Variants in SEC22A observed in about 807,000 individuals in gnomAD.
SEC22A encodes the protein vesicle-trafficking protein SEC22a.
A neutral mutation model predicts 35.3 loss-of-function variants in SEC22A; 22 were observed. The observed-to-expected ratio is 0.62, with a 90% CI of 0.45 to 0.89. SEC22A has a LOEUF of 0.89. SEC22A is among the 40% of genes least tolerant of loss of function. The pLI, the probability that SEC22A is intolerant of heterozygous loss-of-function variation, is 0.00. For synonymous variants in SEC22A, 119 were observed against 129.5 expected (o/e 0.92, Z 0.55); for missense variants, 354 against 362.5 (o/e 0.98, Z 0.19).
chr3:123,230,539 T>C (rs1559756192), intron 4 of SEC22A, among the ~76,000 whole-genome samples: 2 of 152,002 alleles, frequency 1.3e-5, no homozygotes, highest in East Asian at 1.9e-4. Context: ...ATAAAGGGAA[T>C]AGAGCTATAT....
In SEC22A at chr3:123,260,131, CAAAAAAAAAAAAAAAAAAAAAAAA is replaced by C. The variant is rs533386545; in HGVS notation, c.723+557_723+580del. On this transcript the variant is annotated intron_variant, in intron 6 of 6. Coordinates refer to ENST00000492595, the MANE Select transcript of SEC22A (RefSeq NM_012430.5). ...TGGGCAACAGAGCGAGACTACATCT[CAAAAAAAAAAAAAAAAAAAAAAAA>C]AAAAAAAAAAAAAACTACTAGATTT... Among the ~76,000 whole-genome samples the C allele has an allele frequency of 6.0e-5, 3 of 49,774 alleles. 1 individual carries two copies. The highest frequency in any genetic ancestry group is 9.7e-5 in the Non-Finnish European group (3 of 31,074). The allele number at this position is 49,774 out of a possible 152,430, so 32.7% of individuals were successfully genotyped here. A position where few individuals can be genotyped will look rare whatever the true frequency, so the allele number is the denominator to read the frequency against.
At chr3:123,222,857 A>G (rs1937152835) in intron 2 of SEC22A, among the ~76,000 whole-genome samples, 2 of 152,184 alleles carry the variant, frequency 1.3e-5, no homozygotes. Context: ...ATTTCCCCCT[A>G]GATTTAACAT....
At chr3:123,254,056 A>G (rs1026755447) in intron 5 of SEC22A, among the ~76,000 whole-genome samples, 1 of 152,164 alleles carries the variant, frequency 6.6e-6, no homozygotes. Context: ...ATACATGTAC[A>G]TGTATCCATT....
intron 1 of SEC22A, among the ~76,000 whole-genome samples, chr3:123,206,527 C>T (rs1460129104): frequency 6.6e-6 from 1 of 152,098 alleles, no homozygotes; most frequent in African/African-American, 2.4e-5. Flanking sequence ...TAGAGTAAGA[C>T]ATTTTCCTAC....
chr3:123,249,767 G>A (rs1301653389), intron 5 of SEC22A, among the ~76,000 whole-genome samples: 5 of 151,944 alleles, frequency 3.3e-5, no homozygotes, highest in Admixed American at 6.5e-5. Context: ...CTAGTGATCC[G>A]CCCACCTTGG....
At chr3:123,260,874 C>G in intron 6 of SEC22A, among the ~76,000 whole-genome samples, 1 of 142,756 alleles carries the variant, frequency 7.0e-6, no homozygotes, top group Middle Eastern at 3.7e-3. Context: ...CTCGCTCTGT[C>G]GCCCAGGCTG....
chr3:123,264,173 G>A (rs1045450331), intron 6 of SEC22A, among the ~76,000 whole-genome samples: 1 of 152,084 alleles, frequency 6.6e-6, no homozygotes, highest in Non-Finnish European at 1.5e-5. Context: ...CCCCCACAAA[G>A]CTCTAGGGTT....
At chr3:123,215,719 T>C (rs1937009579) in intron 2 of SEC22A, among the ~76,000 whole-genome samples, 1 of 152,196 alleles carries the variant, frequency 6.6e-6, no homozygotes, top group African/African-American at 2.4e-5. Flanking sequence ...GGCATCGCAT[T>C]ATTATCTGGT....
intron 4 of SEC22A, among the ~76,000 whole-genome samples, chr3:123,244,727 C>T (rs1017414616): frequency 6.6e-6 from 1 of 152,098 alleles, no homozygotes; most frequent in African/African-American, 2.4e-5. Context: ...TTAAACCCGC[C>T]CTTATATTAA....
intron 4 of SEC22A, among the ~76,000 whole-genome samples, chr3:123,234,505 A>T (rs1279191220): frequency 1.3e-5 from 2 of 152,170 alleles, no homozygotes; most frequent in African/African-American, 2.4e-5. Flanking sequence ...TGCCAAGACA[A>T]TGGTGAAAGA....
intron 4 of SEC22A, among the ~76,000 whole-genome samples, chr3:123,236,276 G>A (rs779733131): frequency 3.6e-4 from 55 of 152,170 alleles, no homozygotes; most frequent in Non-Finnish European, 4.3e-4. Flanking sequence ...TAGTGATGGA[G>A]TAGGTAATTC....
chr3:123,221,676 C>G (rs1042959982), intron 2 of SEC22A, among the ~76,000 whole-genome samples: 1 of 151,780 alleles, frequency 6.6e-6, no homozygotes, highest in Admixed American at 6.6e-5. Context: ...GGGGTATATA[C>G]TAGATTCTAG....
chr3:123,240,528 A>G (rs961346204), intron 4 of SEC22A, among the ~76,000 whole-genome samples: 8 of 152,108 alleles, frequency 5.3e-5, no homozygotes, highest in African/African-American at 1.9e-4. Flanking sequence ...CAATTTGTTT[A>G]TTTATTCTCT....
At chr3:123,219,628 G>A (rs1236587203) in intron 2 of SEC22A, among the ~76,000 whole-genome samples, 1 of 152,036 alleles carries the variant, frequency 6.6e-6, no homozygotes, top group Non-Finnish European at 1.5e-5. Context: ...CTTAGCAAAG[G>A]GCCTAGCTCA....
chr3:123,269,207 G>GTGTGTGTGTGTGTGTGTGTT (rs1559766274), intron 6 of SEC22A, among the ~76,000 whole-genome samples: 5 of 109,288 alleles, frequency 4.6e-5, no homozygotes, highest in African/African-American at 1.6e-4. Context: ...GTGTGTGTGT[G>GTGTGTGTGTGTGTGTGTGTT]TGTGTGTGTA....
At chr3:123,269,215 G>GTGTGTGTGTGTATATA (rs10642998) in intron 6 of SEC22A, among the ~76,000 whole-genome samples, 45 of 136,884 alleles carry the variant, frequency 3.3e-4, no homozygotes, top group East Asian at 2.5e-3. Flanking sequence ...GTGTGTGTGT[G>GTGTGTGTGTGTATATA]TATATATTAC....
intron 3 of SEC22A, among the ~76,000 whole-genome samples, chr3:123,224,260 A>G (rs1362592917): frequency 3.4e-5 from 5 of 148,180 alleles, no homozygotes; most frequent in African/African-American, 1.1e-4. Context: ...CTTCTGATGT[A>G]GAAGAAAAAA....
chr3:123,215,171 C>A (rs1381241464), intron 2 of SEC22A, among the ~76,000 whole-genome samples: 1 of 152,200 alleles, frequency 6.6e-6, no homozygotes. Flanking sequence ...TTTCCATTGC[C>A]AGGGGCAGAC....
At chr3:123,245,847 C>T (rs1937561504) in intron 4 of SEC22A, 52 bp from the exon 5 acceptor site, 1 of 991,230 alleles carries the variant, frequency 1.0e-6, no homozygotes, top group African/African-American at 1.6e-5. Context: ...TACCTAAGTT[C>T]ATCTTTGTGA....
Sources: allele counts gnomAD v4.1 joint callset (sites outside exome capture counted in the v4.1 genomes callset), GRCh38; gene constraint gnomAD v4.1.1; transcripts MANE v1.5; gene names NCBI Gene and HGNC (gene_info 2026-07-23, HGNC 2026-07-21).